WTIP: variants seen among roughly 807,000 people sequenced by gnomAD.
WTIP encodes the protein Wilms tumor protein 1-interacting protein.
Under a neutral mutation model 41.7 loss-of-function variants are expected in WTIP, and 23 were observed. The ratio of observed to expected loss-of-function variants is 0.55; its 90% CI spans 0.40 to 0.78. The LOEUF (loss-of-function observed/expected upper bound fraction) is 0.78. WTIP is among the 30% of genes least tolerant of loss of function. The pLI is 0.00. For missense variants in WTIP, 619 were observed against 610.5 expected, an observed-to-expected ratio of 1.01 and a Z score of -0.15; for synonymous variants, 314 against 269.9, an observed-to-expected ratio of 1.16 and a Z score of -1.60.
At chr19:34,483,776 G>C (rs553155523) in intron 1 of WTIP, among the ~76,000 whole-genome samples, 3 of 152,294 alleles carry the variant, frequency 2.0e-5, no homozygotes, top group Admixed American at 1.3e-4. Flanking sequence ...CCTGGGGCGA[G>C]AACTTCCCAA....
At chr19:34,492,688 C>CAAA (rs35065558) in intron 2 of WTIP, among the ~76,000 whole-genome samples, 5 of 111,634 alleles carry the variant, frequency 4.5e-5, no homozygotes, top group African/African-American at 7.6e-5. Context: ...TACTCTGTAT[C>CAAA]AAAAAAAAAA....
chr19:34,491,015 A>G (rs1238110322), intron 2 of WTIP, among the ~76,000 whole-genome samples: 1 of 148,354 alleles, frequency 6.7e-6, no homozygotes, highest in South Asian at 2.1e-4. Context: ...TTAGGTAGAG[A>G]TGGGGTTTTA....
intron 2 of WTIP, among the ~76,000 whole-genome samples, chr19:34,492,613 C>T (rs149796710): frequency 0.014 from 2,084 of 149,512 alleles, 28 homozygotes; most frequent in South Asian, 0.028. Context: ...CGCTTGAACC[C>T]GGGAGTCAGA....
chr19:34,512,204 G>A lies in WTIP; in HGVS notation c.*11935G>A, dbSNP rs972608870. On this transcript the variant is annotated 3_prime_UTR_variant, in exon 8 of 8. Transcript: ENST00000590071. ...TGGGAAGGCCAAGAGGCAGGTCAGG[G>A]TCAGACTCCACCTTGAGTCTGGCAT... The A allele has an allele frequency of 7.9e-5, 12 of 152,188 alleles. No individual in the cohort carries two copies. Among genetic ancestry groups the A allele is most frequent in the African/African-American group, 9.7e-5 (4 of 41,430 alleles). The allele number at this position is 152,188 out of a possible 1,614,324, so 9.4% of individuals were successfully genotyped here. A position where few individuals can be genotyped will look rare whatever the true frequency, so the allele number is the denominator to read the frequency against.
chr19:34,482,193 C>CCGGCGCGCGGCGGTTCCGGAGCT lies in WTIP; in HGVS notation c.221_243dup (p.Ser82GlyfsTer227). ...GACTGAGCCGCGGGGAGCGGGGTCC[C>CCGGCGCGCGGCGGTTCCGGAGCT]CGGCGCGCGGCGGTTCCGGAGCTCA... On this transcript the variant is annotated frameshift_variant, in exon 1 of 8. Transcript: ENST00000590071. LOFTEE classifies it high-confidence loss of function. 1 of 1,109,108 alleles carries CCGGCGCGCGGCGGTTCCGGAGCT rather than the reference C, an allele frequency of 9.0e-7. No homozygotes were observed. The highest frequency in any genetic ancestry group is 1.1e-6 in the Non-Finnish European group (1 of 912,010). 68.7% of individuals were successfully genotyped at this position (1,109,108 alleles called of 1,614,324 possible). A position where few individuals can be genotyped will look rare whatever the true frequency, so the allele number is the denominator to read the frequency against.
chr19:34,491,096 G>A lies in WTIP; in HGVS notation c.769+619G>A, dbSNP rs577467843. 9.2e-5 allele frequency among the ~76,000 whole-genome samples: 14 copies of A among 151,960 alleles called. No homozygotes were observed. The East Asian group carries it at 1.2e-3, about 13-fold the overall frequency. ...GCCTGCCTCGGCCTCTCAAAGTGCT[G>A]GGAGTACAGGTGTGAGCCACTGCGC... On this transcript the variant is annotated intron_variant, in intron 2 of 7. Transcript: ENST00000590071.
In WTIP at chr19:34,493,601, A is replaced by G. The variant is rs1260280487; in HGVS notation, c.1010A>G (p.Tyr337Cys). Reference protein sequence around the residue: ...PFTVDVENNIYCVRDYHTVFA... With the variant: ...PFTVDVENNICCVRDYHTVFA... ...ACCGTGGACGTGGAGAACAACATCTACTGCGTGCGAGACTATCACACGTGA... is the reference window on the plus strand; with the variant it reads ...ACCGTGGACGTGGAGAACAACATCTGCTGCGTGCGAGACTATCACACGTGA... The change falls in exon 5 of 8, where the codon TAC (tyrosine) becomes TGC (cysteine). Residue 337 changes from tyrosine (Y) to cysteine (C), a missense_variant. Coordinates refer to ENST00000590071, the MANE Select transcript of WTIP (RefSeq NM_001080436.2). This position sits in a 1 kb window ranked among gnomAD's most constrained non-coding sequence, Gnocchi z 4.1. 6 of 1,613,462 alleles carry G rather than the reference A, an allele frequency of 3.7e-6. No individual in the cohort carries two copies. The highest frequency in any genetic ancestry group is 1.1e-5 in the South Asian group (1 of 91,086).
At chr19:34,490,341 C>T in intron 1 of WTIP, 35 bp from the exon 2 acceptor site, 1 of 1,604,918 alleles carries the variant, frequency 6.2e-7, no homozygotes, top group African/African-American at 1.3e-5. Context: ...GGCTGTGGCG[C>T]TAACCCCTGC....
rs1383968933 is a variant in WTIP, at chr19:34,512,043, G to A, written c.*11774G>A. 6.6e-6 allele frequency: 1 copy of A among 152,104 alleles called. No homozygotes were observed. The highest frequency in any genetic ancestry group is 2.4e-5 in the African/African-American group (1 of 41,404). 9.4% of individuals were successfully genotyped at this position (152,104 alleles called of 1,614,324 possible). ...CTGAAGTTTTATTTTACATCTCTCA[G>A]TAAAGCTTTATGGATTAGGGTCTTC... On this transcript the variant is annotated 3_prime_UTR_variant, in exon 8 of 8. Coordinates refer to ENST00000590071, the MANE Select transcript of WTIP (RefSeq NM_001080436.2).
chr19:34,486,558 A>T lies in WTIP; in HGVS notation c.668-3818A>T, dbSNP rs555680131. On this transcript the variant is annotated intron_variant, in intron 1 of 7. Coordinates refer to ENST00000590071, the MANE Select transcript of WTIP (RefSeq NM_001080436.2). Reference sequence around the variant, plus strand: ...AATATTTTGTATTTTTGGTAGAGACAGGGTTTCACTGTGTTAACCAGGATG... The same window carrying T: ...AATATTTTGTATTTTTGGTAGAGACTGGGTTTCACTGTGTTAACCAGGATG... Among the ~76,000 whole-genome samples, 4 of 152,132 alleles carry T rather than the reference A, an allele frequency of 2.6e-5. No homozygotes were observed. In the South Asian group the frequency reaches 6.2e-4, roughly 24 times the overall value.
At chr19:34,489,911 G>C (rs568467932) in intron 1 of WTIP, among the ~76,000 whole-genome samples, 1 of 152,124 alleles carries the variant, frequency 6.6e-6, no homozygotes, top group Non-Finnish European at 1.5e-5. Context: ...TCCAGCCTGT[G>C]GGACAGAGCG....
chr19:34,488,137 G>A (rs1252312645), intron 1 of WTIP, among the ~76,000 whole-genome samples: 2 of 150,804 alleles, frequency 1.3e-5, no homozygotes, highest in Non-Finnish European at 3.0e-5. Flanking sequence ...GTGCAGTGGC[G>A]GGATCTTAGC....
In WTIP at chr19:34,493,471, C is replaced by G. The variant is rs759244005; in HGVS notation, c.901-21C>G. On this transcript the variant is annotated intron_variant, in intron 4 of 7. Coordinates refer to ENST00000590071, the MANE Select transcript of WTIP (RefSeq NM_001080436.2). This position sits in a 1 kb window ranked among gnomAD's most constrained non-coding sequence, Gnocchi z 4.1. ...CTGAGCCTCCTGCCCGCGCTGACCCCTCAGTGTGCCCCGCCCACAGATCCT... is the reference window on the plus strand; with the variant it reads ...CTGAGCCTCCTGCCCGCGCTGACCCGTCAGTGTGCCCCGCCCACAGATCCT... 5 of 1,612,950 alleles carry G rather than the reference C, an allele frequency of 3.1e-6. No homozygotes were observed. Among genetic ancestry groups the G allele is most frequent in the Non-Finnish European group, 4.2e-6 (5 of 1,179,690 alleles).
At chr19:34,489,294 C>G (rs536159112) in intron 1 of WTIP, among the ~76,000 whole-genome samples, 4 of 151,464 alleles carry the variant, frequency 2.6e-5, no homozygotes, top group African/African-American at 9.7e-5. Context: ...ACCTTCCACT[C>G]GATGCAAGCT....
In WTIP at chr19:34,493,235, A is replaced by G. The variant is rs1232081231; in HGVS notation, c.838-28A>G. Reference sequence around the variant, plus strand: ...GCCGCGAGTGCCCCTTTGTCACACAATGTCCTGGATCCTGTGTCCCCTCCC... The same window carrying G: ...GCCGCGAGTGCCCCTTTGTCACACAGTGTCCTGGATCCTGTGTCCCCTCCC... On this transcript the variant is annotated intron_variant, in intron 3 of 7. Transcript: ENST00000590071. The surrounding 1 kb of genome is among the most constrained non-coding windows in gnomAD (Gnocchi z 4.1). 3.1e-6 allele frequency: 5 copies of G among 1,613,560 alleles called. No individual in the cohort carries two copies. Among genetic ancestry groups the G allele is most frequent in the Admixed American group, 1.7e-5 (1 of 59,978 alleles).
intron 6 of WTIP, among the ~76,000 whole-genome samples, chr19:34,495,245 A>T (rs903952882): frequency 2.0e-5 from 3 of 152,140 alleles, no homozygotes; most frequent in Non-Finnish European, 2.9e-5. Flanking sequence ...AAAAAATAAA[A>T]AATTAGCTGG....
intron 1 of WTIP, among the ~76,000 whole-genome samples, chr19:34,485,426 C>T (rs1037830698): frequency 6.6e-6 from 1 of 152,110 alleles, no homozygotes; most frequent in Non-Finnish European, 1.5e-5. Context: ...TTTGTTTGAA[C>T]TATATGGTTC....
Position 34,490,496 on chromosome 19 carries a change from T to C in WTIP, c.769+19T>C, listed in dbSNP as rs2075820266. The C allele has an allele frequency of 6.2e-7, 1 of 1,611,046 alleles. No individual in the cohort carries two copies. Among genetic ancestry groups the C allele is most frequent in the Non-Finnish European group, 8.5e-7 (1 of 1,177,342 alleles). On this transcript the variant is annotated intron_variant, in intron 2 of 7. Transcript: ENST00000590071. The stretch of plus-strand genomic sequence containing the variant: ...TCGTGTGGTAGGTAACCTCGTGCCC[T>C]GGGTAGCTCTGTGAAGGGGACCTGC...
Position 34,493,160 on chromosome 19 carries a change from T to G in WTIP, c.837+56T>G. On this transcript the variant is annotated intron_variant, in intron 3 of 7. Coordinates refer to ENST00000590071, the MANE Select transcript of WTIP (RefSeq NM_001080436.2). This position sits in a 1 kb window ranked among gnomAD's most constrained non-coding sequence, Gnocchi z 4.1. The stretch of plus-strand genomic sequence containing the variant: ...GGGGTGGGAGGTGGGGCAGGGACCC[T>G]CATTCTGACTCGAGTGGAGACCTGA... The G allele has an allele frequency of 6.2e-7, 1 of 1,613,176 alleles. No homozygotes were observed. The highest frequency in any genetic ancestry group is 8.5e-7 in the Non-Finnish European group (1 of 1,179,194).
Sources: allele counts gnomAD v4.1 joint callset (sites outside exome capture counted in the v4.1 genomes callset), GRCh38; gene constraint gnomAD v4.1.1; non-coding constraint Gnocchi (gnomAD v3.1); transcripts MANE v1.5; gene names NCBI Gene and HGNC (gene_info 2026-07-23, HGNC 2026-07-21).